FAN1: variants seen among roughly 807,000 people sequenced by gnomAD.
FAN1 encodes FANCD2 and FANCI associated nuclease 1.
In FAN1, 91 loss-of-function variants were observed where a neutral mutation model predicts 104.9. The observed-to-expected ratio is 0.87, with a 90% confidence interval of 0.73 to 1.03. The LOEUF (loss-of-function observed/expected upper bound fraction) is 1.03. FAN1 is among the 50% of genes least tolerant of loss of function. The probability of loss-of-function intolerance (pLI) is 0.00; values close to 1 mark genes in which losing one functional copy is unlikely to be tolerated. For synonymous variants in FAN1, 478 were observed against 457.6 expected, an observed-to-expected ratio of 1.04 and a Z score of -0.57; for missense variants, 1,263 against 1,239.9, an observed-to-expected ratio of 1.02 and a Z score of -0.28.
At chr15:30,904,418 A>C (rs1371072691) in intron 1 of FAN1, 94 bp from the exon 2 acceptor site, 1 of 583,090 alleles carries the variant, frequency 1.7e-6, no homozygotes, top group Non-Finnish European at 3.0e-6. Flanking sequence ...TCTCCTCGTT[A>C]CAGGAGACCT....
In FAN1 at chr15:30,927,116, G is replaced by A. The variant is rs1275210837; in HGVS notation, c.2488+1177G>A. On this transcript the variant is annotated intron_variant, in intron 10 of 14. Coordinates refer to ENST00000362065, the MANE Select transcript of FAN1 (RefSeq NM_014967.5). The stretch of plus-strand genomic sequence containing the variant: ...CACTTGAACTCTGAAGACGGAGGTG[G>A]GAGGATCTCTTGACCCCAGGAGGTC... The A allele has an allele frequency of 4.3e-6, 4 of 919,784 alleles. No homozygotes were observed. In the Admixed American group the frequency reaches 2.5e-4, roughly 57 times the overall value. The allele number at this position is 919,784 out of a possible 1,614,324, so 57.0% of individuals were successfully genotyped here.
Position 30,942,771 on chromosome 15 carries a change from G to A in FAN1, c.*1209G>A. The A allele has an allele frequency of 9.4e-7, 1 of 1,064,986 alleles. No homozygotes were observed. The highest frequency in any genetic ancestry group is 1.3e-6 in the Non-Finnish European group (1 of 764,940). The allele number at this position is 1,064,986 out of a possible 1,614,324, so 66.0% of individuals were successfully genotyped here. On this transcript the variant is annotated 3_prime_UTR_variant, in exon 15 of 15. Coordinates refer to ENST00000362065, the MANE Select transcript of FAN1 (RefSeq NM_014967.5). ...GAGTTAAAAAGGGAATGACCCCTCA[G>A]AAACCCGCATTAGCAGTGTTACTCT... is the stretch of plus-strand genomic sequence containing the variant.
chr15:30,908,352 G>A (rs984114432), intron 3 of FAN1, 94 bp downstream of exon 3: 29 of 1,077,502 alleles, frequency 2.7e-5, no homozygotes, highest in Middle Eastern at 2.1e-4. Flanking sequence ...TGCCCTCCCC[G>A]GGGTGGTGCC....
chr15:30,920,911 G>A (rs2062314827), intron 7 of FAN1, among the ~76,000 whole-genome samples: 1 of 152,206 alleles, frequency 6.6e-6, no homozygotes, highest in African/African-American at 2.4e-5. Flanking sequence ...AGCCTCCTGA[G>A]TAGCTGGGAC....
Position 30,929,223 on chromosome 15 carries a change from CACAG to C in FAN1, c.2618_2621del (p.Asp873AlafsTer16). The C allele has an allele frequency of 6.2e-7, 1 of 1,612,650 alleles. No homozygotes were observed. The highest frequency in any genetic ancestry group is 8.5e-7 in the Non-Finnish European group (1 of 1,179,490). ...CACAGGCATTCCCCCTGGACTTGTG[CACAG>C]ACAGCTTCTTCACAAGCAGACGCCC... On this transcript the variant is annotated frameshift_variant, in exon 12 of 15. Coordinates refer to ENST00000362065, the MANE Select transcript of FAN1 (RefSeq NM_014967.5). LOFTEE classifies it high-confidence loss of function.
At chr15:30,910,124 G>A (rs1287975300) in intron 3 of FAN1, among the ~76,000 whole-genome samples, 17 of 152,218 alleles carry the variant, frequency 1.1e-4, no homozygotes, top group Admixed American at 1.1e-3. Context: ...AAAGACCAGC[G>A]AGGTCTGACT....
In FAN1 at chr15:30,940,305, A is replaced by T. The variant is rs1044221946; in HGVS notation, c.*4-1261A>T. Reference sequence around the variant, plus strand: ...TACTTTAGAGAGATTCAGATCAAGCAAACAACTGTGTCTGCTCATTCTCCT... The same window carrying T: ...TACTTTAGAGAGATTCAGATCAAGCTAACAACTGTGTCTGCTCATTCTCCT... On this transcript the variant is annotated intron_variant, in intron 14 of 14. Transcript: ENST00000362065. The T allele has an allele frequency of 6.1e-6, 6 of 985,318 alleles. No homozygotes were observed. The African/African-American group carries it at 1.0e-4, about 17-fold the overall frequency. The allele number at this position is 985,318 out of a possible 1,614,324, so 61.0% of individuals were successfully genotyped here. A position where few individuals can be genotyped will look rare whatever the true frequency, so the allele number is the denominator to read the frequency against.
intron 12 of FAN1, 141 bp downstream of exon 12, chr15:30,929,538 A>G: frequency 4.8e-6 from 1 of 208,718 alleles, no homozygotes; most frequent in Admixed American, 7.3e-5. Context: ...TATATAGTAT[A>G]TATCATATAT....
chr15:30,929,936 AAATATAT>A (rs1302669936), intron 12 of FAN1, among the ~76,000 whole-genome samples: 3 of 117,664 alleles, frequency 2.5e-5, no homozygotes, highest in South Asian at 2.3e-4. Flanking sequence ...ATAATATATA[AAATATAT>A]AATATAATAT....
chr15:30,923,794 A>G (rs1324287559), intron 8 of FAN1, among the ~76,000 whole-genome samples: 1 of 152,048 alleles, frequency 6.6e-6, no homozygotes, highest in African/African-American at 2.4e-5. Flanking sequence ...CTGATTTTCA[A>G]TTTCTTGGTT....
At chr15:30,934,630 C>A (rs1038257590) in intron 13 of FAN1, among the ~76,000 whole-genome samples, 2 of 152,162 alleles carry the variant, frequency 1.3e-5, no homozygotes, top group African/African-American at 4.8e-5. Context: ...GTTCACCTGC[C>A]GTGGTCTCTT....
chr15:30,932,221 CA>C (rs766829435), intron 13 of FAN1, among the ~76,000 whole-genome samples: 7,938 of 49,404 alleles, frequency 0.16, 129 homozygotes, highest in African/African-American at 0.27. Flanking sequence ...GACTCCATCT[CA>C]AAAAAAAAAA....
intron 10 of FAN1, chr15:30,927,613 T>C (rs1595866293): frequency 1.0e-6 from 1 of 985,546 alleles, no homozygotes; most frequent in South Asian, 4.7e-5. Context: ...GGCCTGTAAA[T>C]GTCAGGTGGG....
At chr15:30,935,958 A>C (rs1315230000) in intron 13 of FAN1, among the ~76,000 whole-genome samples, 1 of 151,728 alleles carries the variant, frequency 6.6e-6, no homozygotes, top group Non-Finnish European at 1.5e-5. Context: ...GATTTTCTTC[A>C]ATCTTTGGGT....
Position 30,910,749 on chromosome 15 carries a change from C to T in FAN1, c.1511C>T (p.Ala504Val), listed in dbSNP as rs780858743. 7.4e-6 allele frequency: 12 copies of T among 1,613,932 alleles called. No individual in the cohort carries two copies. Among genetic ancestry groups the T allele is most frequent in the African/African-American group, 2.7e-5 (2 of 74,878 alleles). ...CTGGTGGACGCCTTTCTCAAATTGGCCAAACAGCGTTCAGTCTGCACTTGG... is the reference window on the plus strand; with the variant it reads ...CTGGTGGACGCCTTTCTCAAATTGGTCAAACAGCGTTCAGTCTGCACTTGG... Reference protein sequence around the residue: ...QQLVDAFLKLAKQRSVCTWGK... With the variant: ...QQLVDAFLKLVKQRSVCTWGK... Residue 504 changes from alanine to valine, a missense_variant, in exon 4 of 15, where the codon GCC becomes GTC. Physicochemically the swap from Ala to Val is moderately conservative, Grantham distance 64. Transcript: ENST00000362065.
Position 30,905,166 on chromosome 15 carries a change from A to T in FAN1, c.503A>T (p.Lys168Ile). Residue 168 changes from lysine to isoleucine, a missense_variant, in exon 2 of 15, where the codon AAA becomes ATA. Physicochemically the swap from Lys to Ile is moderately radical, Grantham distance 102. This residue lies in a region of FAN1 where 682 missense variants were observed against 571.1 expected (regional missense o/e 1.19). Transcript: ENST00000362065. ...TCCAGAAAATACGTAAAGGCTAAAA[A>T]ATCAATAGATAAGGATGAAGAATTT... ...KLSRKYVKAK[K>I]SIDKDEEFAG... 1 of 1,613,904 alleles carries T rather than the reference A, an allele frequency of 6.2e-7. No individual in the cohort carries two copies.
In FAN1 at chr15:30,942,518, G is replaced by GCAAA. The variant is rs1034530524; in HGVS notation, c.*960_*963dup. ...AATTTATTTGGGAATTATTAAAAAG[G>GCAAA]CAAACAATGAATGTTATTAGGACAA... On this transcript the variant is annotated 3_prime_UTR_variant, in exon 15 of 15. Coordinates refer to ENST00000362065, the MANE Select transcript of FAN1 (RefSeq NM_014967.5). 1 of 277,266 alleles carries GCAAA rather than the reference G, an allele frequency of 3.6e-6. No individual in the cohort carries two copies. The highest frequency in any genetic ancestry group is 2.2e-5 in the African/African-American group (1 of 45,588). 17.2% of individuals were successfully genotyped at this position (277,266 alleles called of 1,614,324 possible).
intron 14 of FAN1, chr15:30,939,905 G>C (rs2062980998): frequency 4.1e-6 from 4 of 985,224 alleles, no homozygotes; most frequent in Non-Finnish European, 4.8e-6. Flanking sequence ...AAAAACCTTG[G>C]GTTTACCCAT....
rs387907279 is a variant in FAN1, at chr15:30,925,199, C to G, written c.2245C>G (p.Arg749Gly). Reference protein sequence around the residue: ...RTGHRLSLYQRAVRLRESPSC... With the variant: ...RTGHRLSLYQGAVRLRESPSC... The stretch of plus-strand genomic sequence containing the variant: ...GGGACACCGCCTTTCACTGTATCAG[C>G]GAGCCGTGCGCCTGCGAGAGTCTCC... Residue 749 changes from arginine (R) to glycine (G), a missense_variant, in exon 9 of 15, where the codon CGA becomes GGA. Physicochemically the swap from Arg to Gly is moderately radical, Grantham distance 125. Transcript: ENST00000362065. 3.1e-6 allele frequency: 5 copies of G among 1,613,884 alleles called. No individual in the cohort carries two copies. In the African/African-American group the frequency reaches 4.0e-5, roughly 13 times the overall value.
Sources: allele counts gnomAD v4.1 joint callset (sites outside exome capture counted in the v4.1 genomes callset), GRCh38; gene constraint gnomAD v4.1.1; regional missense constraint gnomAD v4.1.1; transcripts MANE v1.5; gene names NCBI Gene and HGNC (gene_info 2026-07-23, HGNC 2026-07-21).